SZT2: variants seen among roughly 807,000 people sequenced by gnomAD.
SZT2 encodes KICSTOR complex protein SZT2.
A neutral mutation model predicts 404.2 loss-of-function variants in SZT2; 216 were observed. The observed-to-expected ratio is 0.53, with a 90% CI of 0.48 to 0.60. The LOEUF is 0.60. SZT2 is among the 20% of genes least tolerant of loss of function. SZT2 has a pLI of 0.00. For synonymous variants in SZT2, 1,693 were observed against 1,749.9 expected, an observed-to-expected ratio of 0.97 and a Z score of 0.81; for missense variants, 3,857 against 4,459.2, an observed-to-expected ratio of 0.86 and a Z score of 3.85.
At chr1:43,443,507 C>A (rs2153936138) in intron 61 of SZT2, 30 bp downstream of exon 61, 2 of 1,613,850 alleles carry the variant, frequency 1.2e-6, no homozygotes, top group Non-Finnish European at 1.7e-6. Context: ...TTCTAGCAGA[C>A]CTTTGCTTAC....
In SZT2 at chr1:43,404,180, G is replaced by A. The variant is rs145472422; in HGVS notation, c.328-200G>A. 456 of 574,444 alleles carry A rather than the reference G, an allele frequency of 7.9e-4. 3 individuals are homozygous for A. The East Asian group carries it at 0.012, about 15-fold the overall frequency. 35.6% of individuals were successfully genotyped at this position (574,444 alleles called of 1,614,324 possible). On this transcript the variant is annotated intron_variant, in intron 3 of 71. Transcript: ENST00000634258. ...CGGGATCAGGCCACTGCGCTCTAGC[G>A]TGGGCAACAAAGCAAGACCCTGGTT...
chr1:43,391,921 A>C (rs1302837623), intron 1 of SZT2, among the ~76,000 whole-genome samples: 1 of 69,316 alleles, frequency 1.4e-5, no homozygotes, highest in Admixed American at 1.5e-4. Context: ...CTCTACTAAA[A>C]AAAATACAAA....
chr1:43,393,551 A>G (rs1418336588), intron 1 of SZT2, among the ~76,000 whole-genome samples: 2 of 152,222 alleles, frequency 1.3e-5, no homozygotes, highest in Admixed American at 6.5e-5. Flanking sequence ...AGGCCATGCT[A>G]GAGGCTCAGG....
At chr1:43,400,308 C>A (rs1321153865) in intron 1 of SZT2, among the ~76,000 whole-genome samples, 1 of 152,154 alleles carries the variant, frequency 6.6e-6, no homozygotes, top group Non-Finnish European at 1.5e-5. Context: ...TATTTAAATT[C>A]TCTTTTTATC....
chr1:43,389,914 G>A lies in SZT2; in HGVS notation c.-55G>A. The A allele has an allele frequency of 6.5e-7, 1 of 1,538,512 alleles. No individual in the cohort carries two copies. The highest frequency in any genetic ancestry group is 8.7e-7 in the Non-Finnish European group (1 of 1,143,394). ...GCTGGGTGCCGAGGTAGCGAGGTCA[G>A]GGGTCAAGAGTGGAACACCCTCACT... is the stretch of plus-strand genomic sequence containing the variant. On this transcript the variant is annotated 5_prime_UTR_variant, in exon 1 of 72. Coordinates refer to ENST00000634258, the MANE Select transcript of SZT2 (RefSeq NM_001365999.1).
intron 5 of SZT2, among the ~76,000 whole-genome samples, chr1:43,415,538 C>G (rs983884101): frequency 6.6e-6 from 1 of 152,200 alleles, no homozygotes; most frequent in Admixed American, 6.5e-5. Flanking sequence ...AGGGATAAAG[C>G]TGCCTAGGCC....
At chr1:43,414,635 G>A (rs1190110636) in intron 4 of SZT2, among the ~76,000 whole-genome samples, 1 of 152,120 alleles carries the variant, frequency 6.6e-6, no homozygotes, top group East Asian at 1.9e-4. Flanking sequence ...GTGTACAGAA[G>A]GTAGGAGTCT....
At chr1:43,428,995 A>G (rs1557563145) in intron 28 of SZT2, 1 of 162,014 alleles carries the variant, frequency 6.2e-6, no homozygotes, top group Non-Finnish European at 1.4e-5. Flanking sequence ...AAACAGAAGA[A>G]CTAGAAGGAT....
In SZT2 at chr1:43,424,165, G is replaced by A. The variant is rs949551395; in HGVS notation, c.2256-52G>A. On this transcript the variant is annotated intron_variant, in intron 15 of 71. Transcript: ENST00000634258. The surrounding 1 kb of genome is among the most constrained non-coding windows in gnomAD (Gnocchi z 4.1). ...GAGTGGTACAGAGGTGTGGAAGGGC[G>A]TGGCTTAGCCGGGGATGAGAGAGAT... The A allele has an allele frequency of 3.0e-5, 45 of 1,502,590 alleles. No homozygotes were observed. The highest frequency in any genetic ancestry group is 9.3e-5 in the East Asian group (4 of 43,196). The allele number at this position is 1,502,590 out of a possible 1,614,324, so 93.1% of individuals were successfully genotyped here. A position where few individuals can be genotyped will look rare whatever the true frequency, so the allele number is the denominator to read the frequency against.
intron 15 of SZT2, among the ~76,000 whole-genome samples, chr1:43,423,933 T>TA (rs1652814357): frequency 7.1e-6 from 1 of 140,824 alleles, no homozygotes; most frequent in African/African-American, 2.7e-5. Flanking sequence ...AGGGTATCAG[T>TA]GGTACAGAGA....
chr1:43,402,152 G>C (rs939625794), intron 1 of SZT2, among the ~76,000 whole-genome samples: 1 of 152,170 alleles, frequency 6.6e-6, no homozygotes, highest in Admixed American at 6.5e-5. Context: ...CTGCTCTTCA[G>C]TTCTTGCCAC....
Position 43,447,228 on chromosome 1 carries a change from G to A in SZT2, c.9286+60G>A, listed in dbSNP as rs1655784629. On this transcript the variant is annotated intron_variant, in intron 66 of 71. Transcript: ENST00000634258. ...AAGAACAGGCCACAGGTGCCTCCAGGTCAGGGCTGGTGGGACCACCTCCCT... is the reference window on the plus strand; with the variant it reads ...AAGAACAGGCCACAGGTGCCTCCAGATCAGGGCTGGTGGGACCACCTCCCT... 2.0e-6 allele frequency: 3 copies of A among 1,531,742 alleles called. No individual in the cohort carries two copies. The African/African-American group carries it at 4.1e-5, about 21-fold the overall frequency. The allele number at this position is 1,531,742 out of a possible 1,614,324, so 94.9% of individuals were successfully genotyped here.
At chr1:43,404,628 C>G (rs1032229756) in intron 4 of SZT2, 78 bp downstream of exon 4, 5 of 1,470,002 alleles carry the variant, frequency 3.4e-6, no homozygotes, top group Non-Finnish European at 4.6e-6. Flanking sequence ...TATCCTGTCT[C>G]TGCTGTTTGT....
rs1653007264 is a variant in SZT2 at position 43,425,315 on chromosome 1, G to A, written c.2645+108G>A. The A allele has an allele frequency of 1.3e-6, 2 of 1,521,198 alleles. No individual in the cohort carries two copies. The highest frequency in any genetic ancestry group is 1.8e-6 in the Non-Finnish European group (2 of 1,110,664). 94.2% of individuals were successfully genotyped at this position (1,521,198 alleles called of 1,614,324 possible). On this transcript the variant is annotated intron_variant, in intron 18 of 71. Coordinates refer to ENST00000634258, the MANE Select transcript of SZT2 (RefSeq NM_001365999.1). The surrounding 1 kb of genome is among the most constrained non-coding windows in gnomAD (Gnocchi z 4.3). ...TGAGATGATCTTGATCCCAAAGTCA[G>A]GGAGGGGGTGCGGTGTTTAGATGCT...
intron 1 of SZT2, among the ~76,000 whole-genome samples, chr1:43,399,033 T>C (rs1007290334): frequency 1.3e-5 from 2 of 152,054 alleles, no homozygotes; most frequent in Non-Finnish European, 2.9e-5. Flanking sequence ...TGAGCCGAGA[T>C]TGCGCCACTA....
Position 43,431,543 on chromosome 1 carries a change from C to A in SZT2, c.5088+20C>A. 1 of 1,613,932 alleles carries A rather than the reference C, an allele frequency of 6.2e-7. No homozygotes were observed. ...AATGAGGTGAGCCCCCCACCCCCAA[C>A]ACTGTAACTGATTCCCTTTCCATCG... is the stretch of plus-strand genomic sequence containing the variant. On this transcript the variant is annotated intron_variant, in intron 35 of 71. Coordinates refer to ENST00000634258, the MANE Select transcript of SZT2 (RefSeq NM_001365999.1).
chr1:43,414,002 G>C (rs1360548461), intron 4 of SZT2, among the ~76,000 whole-genome samples: 1 of 152,120 alleles, frequency 6.6e-6, no homozygotes, highest in Non-Finnish European at 1.5e-5. Context: ...CCTGAGGTGG[G>C]TAGGCATGGT....
Position 43,446,403 on chromosome 1 carries a change from C to T in SZT2, c.9059C>T (p.Ala3020Val), listed in dbSNP as rs1208994082. 1.2e-6 allele frequency: 2 copies of T among 1,614,286 alleles called. No individual in the cohort carries two copies. Among genetic ancestry groups the T allele is most frequent in the Non-Finnish European group, 8.5e-7 (1 of 1,180,048 alleles). ...TGTTCCCGAATCCCAATGGGGCAGGCTGTCAACTCACAGGTATGTGAATGA... is the reference window on the plus strand; with the variant it reads ...TGTTCCCGAATCCCAATGGGGCAGGTTGTCAACTCACAGGTATGTGAATGA... ...LECSRIPMGQ[A>V]VNSQLSMLFT... Residue 3020 changes from alanine to valine, a missense_variant, in exon 65 of 72, where the codon GCT becomes GTT. Coordinates refer to ENST00000634258, the MANE Select transcript of SZT2 (RefSeq NM_001365999.1).
At chr1:43,431,928 G>T in intron 36 of SZT2, 27 bp downstream of exon 36, 1 of 1,612,790 alleles carries the variant, frequency 6.2e-7, no homozygotes, top group Non-Finnish European at 8.5e-7. Flanking sequence ...ACACTGCAGG[G>T]TCACCTTGGG....
Sources: gnomAD v4.1 joint callset for allele counts (sites outside exome capture counted in the v4.1 genomes callset) on GRCh38, gnomAD v4.1.1 for gene constraint, Gnocchi (gnomAD v3.1) non-coding constraint, MANE v1.5 for transcripts, NCBI Gene and HGNC (gene_info 2026-07-23, HGNC 2026-07-21) for gene names.